Variants in TRIB3 observed in about 807,000 individuals in gnomAD.
TRIB3 encodes tribbles pseudokinase 3.
In TRIB3, 20 loss-of-function variants were observed where a neutral mutation model predicts 16.6. That is an observed-to-expected ratio of 1.20 (90% CI 0.85 to 1.75). The LOEUF (loss-of-function observed/expected upper bound fraction) is 1.75. TRIB3 is among the 40% of genes most tolerant of loss of function. The probability of loss-of-function intolerance (pLI) is 0.00; values close to 1 mark genes in which losing one functional copy is unlikely to be tolerated. For synonymous variants in TRIB3, 208 were observed against 217.0 expected (o/e 0.96, Z 0.36); for missense variants, 484 against 488.9 (o/e 0.99, Z 0.10).
At chr20:391,631 A>T (rs1032420559) in intron 3 of TRIB3, 52 bp downstream of exon 3, 3 of 1,567,216 alleles carry the variant, frequency 1.9e-6, no homozygotes, top group Admixed American at 3.5e-5. Context: ...GGGGTGGGCC[A>T]TGATGGAGAG....
intron 1 of TRIB3, 55 bp downstream of exon 1, chr20:381,224 G>A (rs1372019414): frequency 6.6e-6 from 1 of 152,202 alleles, no homozygotes; most frequent in Non-Finnish European, 1.5e-5. Flanking sequence ...GGCGGGAGGG[G>A]GCGGCCGGGG....
chr20:386,591 G>A (rs922079610), intron 1 of TRIB3, among the ~76,000 whole-genome samples: 11 of 150,084 alleles, frequency 7.3e-5, no homozygotes, highest in Admixed American at 2.7e-4. Flanking sequence ...TTTTTCTCCC[G>A]TGACGGAGTC....
At chr20:386,128 T>A (rs2014799524) in intron 1 of TRIB3, among the ~76,000 whole-genome samples, 5 of 152,142 alleles carry the variant, frequency 3.3e-5, no homozygotes, top group Admixed American at 3.3e-4. Context: ...CCTTCCAAAG[T>A]GCTAGGATTA....
At chr20:383,524 C>A (rs544957769) in intron 1 of TRIB3, among the ~76,000 whole-genome samples, 14 of 152,284 alleles carry the variant, frequency 9.2e-5, no homozygotes, top group Non-Finnish European at 1.6e-4. Context: ...CTCACTGAAG[C>A]CTTTACCTTC....
At chr20:383,118 C>G (rs947955583) in intron 1 of TRIB3, among the ~76,000 whole-genome samples, 1 of 152,244 alleles carries the variant, frequency 6.6e-6, no homozygotes, top group African/African-American at 2.4e-5. Context: ...CTACTGCCCT[C>G]TCCTTCAGCC....
chr20:391,149 TGA>T, intron 2 of TRIB3, 136 bp from the exon 3 acceptor site: 3 of 955,548 alleles, frequency 3.1e-6, no homozygotes, highest in South Asian at 1.5e-5. Context: ...TGGTCAGGGC[TGA>T]GTGACTCGGT....
rs781133629 is a variant in TRIB3 at position 396,502 on chromosome 20, C to T, written c.889C>T (p.Arg297Cys). 9.9e-6 allele frequency: 16 copies of T among 1,612,974 alleles called. No individual in the cohort carries two copies. The highest frequency in any genetic ancestry group is 9.9e-5 in the South Asian group (9 of 91,084). ...PARCLVRCLL[R>C]REPAERLTAT... ...CCGCTGTCTGGTTCGCTGCCTCCTTCGTCGGGAGCCAGCTGAACGGCTCAC... is the reference window on the plus strand; with the variant it reads ...CCGCTGTCTGGTTCGCTGCCTCCTTTGTCGGGAGCCAGCTGAACGGCTCAC... Residue 297 changes from arginine (R) to cysteine (C), a missense_variant, in exon 4 of 4, where the codon CGT (arginine) becomes TGT (cysteine). Coordinates refer to ENST00000217233, the MANE Select transcript of TRIB3 (RefSeq NM_021158.5).
At chr20:394,032 CTTTTTTTTT>C (rs745870371) in intron 3 of TRIB3, among the ~76,000 whole-genome samples, 1 of 123,660 alleles carries the variant, frequency 8.1e-6, no homozygotes, top group Non-Finnish European at 1.7e-5. Context: ...TTCTTTCTTT[CTTTTTTTTT>C]TTTTTTTGAG....
Position 387,769 on chromosome 20 carries a change from G to T in TRIB3, c.1-242G>T, listed in dbSNP as rs2014858009. On this transcript the variant is annotated intron_variant, in intron 1 of 3. Coordinates refer to ENST00000217233, the MANE Select transcript of TRIB3 (RefSeq NM_021158.5). ...GACATTTGGGATATTTCCTGCTTTT[G>T]CTATTGGACACAAGGCTCTGATGAA... Among the ~76,000 whole-genome samples, 2 of 152,090 alleles carry T rather than the reference G, an allele frequency of 1.3e-5. No homozygotes were observed. The highest frequency in any genetic ancestry group is 2.9e-5 in the Non-Finnish European group (2 of 68,002).
intron 2 of TRIB3, among the ~76,000 whole-genome samples, chr20:390,559 C>T (rs754834191): frequency 5.5e-4 from 84 of 152,270 alleles, no homozygotes; most frequent in East Asian, 9.7e-4. Context: ...GCAAAGAGGA[C>T]GGGAGCTGTG....
chr20:385,262 G>A (rs966796298), intron 1 of TRIB3, among the ~76,000 whole-genome samples: 2 of 152,156 alleles, frequency 1.3e-5, no homozygotes, highest in East Asian at 3.9e-4. Flanking sequence ...ACAGGCGTGT[G>A]CCACCACGCC....
chr20:395,004 A>C (rs1367244170), intron 3 of TRIB3, among the ~76,000 whole-genome samples: 1 of 152,100 alleles, frequency 6.6e-6, no homozygotes, highest in African/African-American at 2.4e-5. Context: ...TGTGATTCAT[A>C]GGATTGGTCA....
intron 1 of TRIB3, among the ~76,000 whole-genome samples, chr20:387,573 A>C (rs2014853571): frequency 6.7e-6 from 1 of 148,704 alleles, no homozygotes; most frequent in South Asian, 2.1e-4. Context: ...AAAAAAACCC[A>C]CCATAAAAGC....
intron 1 of TRIB3, among the ~76,000 whole-genome samples, chr20:383,766 T>C (rs2014722810): frequency 6.6e-6 from 1 of 152,176 alleles, no homozygotes; most frequent in South Asian, 2.1e-4. Flanking sequence ...ATTGTCAAAA[T>C]GCACTCCTCA....
At chr20:390,173 A>C (rs980372558) in intron 2 of TRIB3, among the ~76,000 whole-genome samples, 1 of 152,066 alleles carries the variant, frequency 6.6e-6, no homozygotes, top group African/African-American at 2.4e-5. Context: ...TTAAAAATAC[A>C]AAAAATTAGC....
chr20:385,426 T>TGG (rs2014778380), intron 1 of TRIB3: 1 of 152,024 alleles, frequency 6.6e-6, no homozygotes, highest in Admixed American at 6.6e-5. Context: ...TTTTTTTTTT[T>TGG]TTTTAACTTT....
In TRIB3 at chr20:397,379, C is replaced by T. The variant is rs2015157602; in HGVS notation, c.*689C>T. 1 of 152,182 alleles carries T rather than the reference C, an allele frequency of 6.6e-6. No individual in the cohort carries two copies. Among genetic ancestry groups the T allele is most frequent in the African/African-American group, 2.4e-5 (1 of 41,422 alleles). The allele number at this position is 152,182 out of a possible 1,614,324, so 9.4% of individuals were successfully genotyped here. ...GGCCTGTCAACCATGGGGCTTCTGACCTGAGCACCAAGGTTGAGGGACAGG... is the reference window on the plus strand; with the variant it reads ...GGCCTGTCAACCATGGGGCTTCTGATCTGAGCACCAAGGTTGAGGGACAGG... On this transcript the variant is annotated 3_prime_UTR_variant, in exon 4 of 4. Coordinates refer to ENST00000217233, the MANE Select transcript of TRIB3 (RefSeq NM_021158.5).
At chr20:395,710 G>A (rs982570401) in intron 3 of TRIB3, among the ~76,000 whole-genome samples, 7 of 152,106 alleles carry the variant, frequency 4.6e-5, no homozygotes, top group African/African-American at 1.7e-4. Flanking sequence ...TTCCTTGCAG[G>A]CTGTAGCCTA....
At chr20:394,276 A>G (rs926676999) in intron 3 of TRIB3, among the ~76,000 whole-genome samples, 3 of 152,164 alleles carry the variant, frequency 2.0e-5, no homozygotes, top group Non-Finnish European at 2.9e-5. Flanking sequence ...TGGCCTCCCA[A>G]AGTGCTGGGA....
Sources: gnomAD v4.1 joint callset for allele counts (sites outside exome capture counted in the v4.1 genomes callset) on GRCh38, gnomAD v4.1.1 for gene constraint, MANE v1.5 for transcripts, NCBI Gene and HGNC (gene_info 2026-07-23, HGNC 2026-07-21) for gene names.